The following EFHD1 variants were observed in gnomAD, a reference collection of about 807,000 sequenced individuals.
EFHD1 encodes the protein EF-hand domain family member D1.
A neutral mutation model predicts 17.2 loss-of-function variants in EFHD1; 10 were observed. The ratio of observed to expected loss-of-function variants is 0.58; its 90% CI spans 0.36 to 0.99. The LOEUF is 0.99. EFHD1 is among the 50% of genes least tolerant of loss of function. The pLI, the probability that EFHD1 is intolerant of heterozygous loss-of-function variation, is 0.01. For missense variants in EFHD1, 310 were observed against 327.5 expected (o/e 0.95, Z 0.41); for synonymous variants, 153 against 142.0 (o/e 1.08, Z -0.55).
intron 1 of EFHD1, among the ~76,000 whole-genome samples, chr2:232,645,561 G>A (rs753673772): frequency 4.7e-4 from 71 of 152,258 alleles, no homozygotes; most frequent in Middle Eastern, 3.4e-3. Flanking sequence ...GCTGGCCTCC[G>A]ATGCTGTCCT....
chr2:232,672,938 C>G (rs539983370), intron 3 of EFHD1, among the ~76,000 whole-genome samples: 1 of 152,300 alleles, frequency 6.6e-6, no homozygotes, highest in South Asian at 2.1e-4. Context: ...TTCATCATCT[C>G]TCTGCCATGC....
chr2:232,659,901 G>A (rs1047014456), intron 1 of EFHD1, among the ~76,000 whole-genome samples: 1 of 152,144 alleles, frequency 6.6e-6, no homozygotes, highest in African/African-American at 2.4e-5. Context: ...GCCGGAACAG[G>A]AGCAAGACAG....
At chr2:232,632,491 T>C (rs889477508), upstream of EFHD1, among the ~76,000 whole-genome samples, 1 of 152,230 alleles carries the variant, frequency 6.6e-6, no homozygotes, top group Non-Finnish European at 1.5e-5. Flanking sequence ...GCCTGGCTGA[T>C]GTAACAGCGG....
In EFHD1 at chr2:232,682,027, A is replaced by C; in HGVS notation, c.*308A>C. 1 of 289,786 alleles carries C rather than the reference A, an allele frequency of 3.5e-6. No individual in the cohort carries two copies. The highest frequency in any genetic ancestry group is 7.1e-5 in the East Asian group (1 of 14,038). The allele number at this position is 289,786 out of a possible 1,614,324, so 18.0% of individuals were successfully genotyped here. A position where few individuals can be genotyped will look rare whatever the true frequency, so the allele number is the denominator to read the frequency against. On this transcript the variant is annotated 3_prime_UTR_variant, in exon 4 of 4. Transcript: ENST00000264059. The stretch of plus-strand genomic sequence containing the variant: ...CTTGTCCCTTTACCATTCCCCATCA[A>C]AGAGTAGTCTGCTATATCAATTTGT...
At chr2:232,663,838 T>C (rs1182027519) in intron 2 of EFHD1, among the ~76,000 whole-genome samples, 1 of 152,204 alleles carries the variant, frequency 6.6e-6, no homozygotes, top group Non-Finnish European at 1.5e-5. Flanking sequence ...CAGGCTGGAG[T>C]GCAGTGGCTC....
chr2:232,625,056 A>C (rs753445007), intron 1 of EFHD1, among the ~76,000 whole-genome samples: 3 of 152,086 alleles, frequency 2.0e-5, no homozygotes, highest in Non-Finnish European at 4.4e-5. Flanking sequence ...TTTGTTGACT[A>C]TCTGTTTCCC....
At chr2:232,607,137 C>G (rs1693730028) in intron 1 of EFHD1, among the ~76,000 whole-genome samples, 1 of 151,814 alleles carries the variant, frequency 6.6e-6, no homozygotes, top group African/African-American at 2.4e-5. Flanking sequence ...GACTACAGGT[C>G]CAGGCCACCA....
rs141489241 is a variant in EFHD1, at chr2:232,672,478, C to T, written c.585+35C>T. 534 of 1,551,656 alleles carry T rather than the reference C, an allele frequency of 3.4e-4. 2 individuals are homozygous for T. In the African/African-American group the frequency reaches 6.8e-3, roughly 20 times the overall value. ...TAGTTCCTTCTGTGAGGAGCAACCA[C>T]TCCCAGCCTTCACGCTGCCCACCAG... On this transcript the variant is annotated intron_variant, in intron 3 of 3. Coordinates refer to ENST00000264059, the MANE Select transcript of EFHD1 (RefSeq NM_025202.4).
intron 2 of EFHD1, among the ~76,000 whole-genome samples, chr2:232,670,748 A>G (rs1695050802): frequency 6.6e-6 from 1 of 152,180 alleles, no homozygotes; most frequent in African/African-American, 2.4e-5. Context: ...TTTTCTAAGC[A>G]TAACACTATA....
rs894064128 is a variant in EFHD1 at position 232,633,940 on chromosome 2, A to G, written c.236A>G (p.Asn79Ser). 14 of 1,596,570 alleles carry G rather than the reference A, an allele frequency of 8.8e-6. No individual in the cohort carries two copies. Among genetic ancestry groups the G allele is most frequent in the Admixed American group, 1.7e-5 (1 of 59,952 alleles). ...AARPRRCRVF[N>S]PYTEFPEFSR... ...CGGCCCCGGCGCTGCAGGGTCTTCAACCCCTACACGGAGTTCCCGGAGTTC... is the reference window on the plus strand; with the variant it reads ...CGGCCCCGGCGCTGCAGGGTCTTCAGCCCCTACACGGAGTTCCCGGAGTTC... Residue 79 changes from asparagine to serine, a missense_variant, in exon 1 of 4, where the codon AAC (asparagine) becomes AGC (serine). Physicochemically the swap from Asn to Ser is conservative, Grantham distance 46. Coordinates refer to ENST00000264059, the MANE Select transcript of EFHD1 (RefSeq NM_025202.4).
chr2:232,629,778 T>C (rs1308599980), upstream of EFHD1, among the ~76,000 whole-genome samples: 1 of 151,654 alleles, frequency 6.6e-6, no homozygotes, highest in Non-Finnish European at 1.5e-5. Flanking sequence ...CAAAAAAAAA[T>C]GAGAATTTAA....
chr2:232,643,273 C>T (rs1245896767), intron 1 of EFHD1, among the ~76,000 whole-genome samples: 2 of 152,058 alleles, frequency 1.3e-5, no homozygotes, highest in East Asian at 3.8e-4. Context: ...CCATCACCAG[C>T]CCATCCGGGG....
In EFHD1 at chr2:232,651,046, T is replaced by C. The variant is rs531376008; in HGVS notation, c.303-11756T>C. Among the ~76,000 whole-genome samples the C allele has an allele frequency of 1.4e-4, 22 of 152,130 alleles. No homozygotes were observed. The South Asian group carries it at 3.9e-3, about 27-fold the overall frequency. On this transcript the variant is annotated intron_variant, in intron 1 of 3. Coordinates refer to ENST00000264059, the MANE Select transcript of EFHD1 (RefSeq NM_025202.4). ...GGAGAAAAAGGAAAGACGGTGATCA[T>C]TTGAAATAAGGAGGGAGGGATCCAG...
At chr2:232,606,322 G>A (rs553404688) in intron 1 of EFHD1, 13 of 973,818 alleles carry the variant, frequency 1.3e-5, no homozygotes, top group African/African-American at 9.6e-5. Flanking sequence ...TCCCTGCCCC[G>A]CGCACGGTCT....
At chr2:232,607,542 C>T (rs900789433) in intron 1 of EFHD1, among the ~76,000 whole-genome samples, 1 of 151,036 alleles carries the variant, frequency 6.6e-6, no homozygotes, top group African/African-American at 2.4e-5. Context: ...TGCACTTAGC[C>T]GAGATCGCAC....
intron 1 of EFHD1, among the ~76,000 whole-genome samples, chr2:232,614,037 TACACAAACACACAC>T (rs1559335994): frequency 9.4e-5 from 13 of 137,732 alleles, no homozygotes; most frequent in Non-Finnish European, 9.5e-5. Flanking sequence ...CACACAAACA[TACACAAACACACAC>T]ATACATACAC....
At chr2:232,654,416 C>CTTTTTTTTTTTTTTTTTTTTT (rs539954632) in intron 1 of EFHD1, among the ~76,000 whole-genome samples, 14 of 94,594 alleles carry the variant, frequency 1.5e-4, no homozygotes, top group Non-Finnish European at 2.0e-4. Context: ...TTCTTTCTTT[C>CTTTTTTTTTTTTTTTTTTTTT]TTTTTTTTTT....
intron 2 of EFHD1, among the ~76,000 whole-genome samples, chr2:232,664,273 G>A (rs980278135): frequency 2.0e-5 from 3 of 151,030 alleles, no homozygotes; most frequent in Non-Finnish European, 4.4e-5. Context: ...TGAGTAGCTG[G>A]GACTACAGAA....
intron 1 of EFHD1, among the ~76,000 whole-genome samples, chr2:232,642,644 G>A (rs1016051510): frequency 2.0e-5 from 3 of 152,042 alleles, no homozygotes; most frequent in South Asian, 2.1e-4. Flanking sequence ...CTTATTTTTT[G>A]TTATCAAATT....
Sources: gnomAD v4.1 joint callset for allele counts (sites outside exome capture counted in the v4.1 genomes callset) on GRCh38, gnomAD v4.1.1 for gene constraint, MANE v1.5 for transcripts, NCBI Gene and HGNC (gene_info 2026-07-23, HGNC 2026-07-21) for gene names.